MED27: variants seen among roughly 807,000 people sequenced by gnomAD.
MED27 encodes mediator complex subunit 27.
A neutral mutation model predicts 38.2 loss-of-function variants in MED27; 30 were observed. The ratio of observed to expected loss-of-function variants is 0.79; its 90% CI spans 0.59 to 1.07. The LOEUF (loss-of-function observed/expected upper bound fraction) is 1.07. MED27 is among the 50% of genes least tolerant of loss of function. MED27 has a pLI of 0.00. For synonymous variants in MED27, 122 were observed against 153.5 expected (o/e 0.79, Z 1.52); for missense variants, 289 against 397.5 (o/e 0.73, Z 2.32).
In MED27 at chr9:131,889,153, C is replaced by G. The variant is rs2131495579; in HGVS notation, c.681+4732G>C. 6.6e-6 allele frequency among the ~76,000 whole-genome samples: 1 copy of G among 152,294 alleles called. No individual in the cohort carries two copies. Among genetic ancestry groups the G allele is most frequent in the East Asian group, 1.9e-4 (1 of 5,184 alleles). On this transcript the variant is annotated intron_variant, in intron 5 of 7. Transcript: ENST00000292035. This position sits in a 1 kb window ranked among gnomAD's most constrained non-coding sequence, Gnocchi z 4.2. ...GAGAAATCAGATTCAGCTCCCCACC[C>G]CCTCGACCCACATGCACACACACAG...
intron 3 of MED27, among the ~76,000 whole-genome samples, chr9:132,013,011 G>A (rs1329049305): frequency 6.6e-6 from 1 of 152,220 alleles, no homozygotes; most frequent in African/African-American, 2.4e-5. Flanking sequence ...AACTGAGGAT[G>A]TAATCAGAAG....
chr9:131,950,884 C>T (rs1374761125), intron 3 of MED27, among the ~76,000 whole-genome samples: 2 of 152,228 alleles, frequency 1.3e-5, no homozygotes, highest in African/African-American at 4.8e-5. Context: ...AATAAAGATC[C>T]CAGAGTAAAC....
At chr9:131,908,502 A>G (rs1174874559) in intron 4 of MED27, among the ~76,000 whole-genome samples, 1 of 152,178 alleles carries the variant, frequency 6.6e-6, no homozygotes, top group Non-Finnish European at 1.5e-5. Flanking sequence ...AGAAGTAGAC[A>G]TGGGAGACTT....
chr9:131,994,252 T>C (rs913001348), intron 3 of MED27, among the ~76,000 whole-genome samples: 4 of 152,204 alleles, frequency 2.6e-5, no homozygotes, highest in African/African-American at 9.7e-5. Context: ...TGATGCTAAA[T>C]GAGAACTTAT....
chr9:131,868,942 G>A (rs918738257), intron 6 of MED27: 6 of 985,366 alleles, frequency 6.1e-6, no homozygotes, highest in Middle Eastern at 5.2e-4. Context: ...GGAGCCATGC[G>A]CCACAGCCCT....
At chr9:132,045,643 G>T (rs938660710) in intron 2 of MED27, among the ~76,000 whole-genome samples, 8 of 152,118 alleles carry the variant, frequency 5.3e-5, no homozygotes, top group African/African-American at 1.9e-4. Flanking sequence ...TAATTCCAAA[G>T]GAACTAACAC....
chr9:132,000,011 T>C (rs574698405), intron 3 of MED27, among the ~76,000 whole-genome samples: 2 of 151,996 alleles, frequency 1.3e-5, no homozygotes, highest in Non-Finnish European at 2.9e-5. Flanking sequence ...AGACAGGCTC[T>C]ACATTAAGGC....
At chr9:131,899,877 T>C (rs1438535063) in intron 4 of MED27, among the ~76,000 whole-genome samples, 1 of 152,226 alleles carries the variant, frequency 6.6e-6, no homozygotes, top group Non-Finnish European at 1.5e-5. Flanking sequence ...ATGCAGCACA[T>C]AGAGGCCAAT....
chr9:132,025,232 G>A (rs1224859880), intron 2 of MED27, among the ~76,000 whole-genome samples: 1 of 150,896 alleles, frequency 6.6e-6, no homozygotes, highest in Non-Finnish European at 1.5e-5. Context: ...CCAGGCTGGA[G>A]TGCAATGGTG....
In MED27 at chr9:132,012,752, C is replaced by T. The variant is rs549017188; in HGVS notation, c.479+1585G>A. ...CACTAAGCATAACTACAAATTATGG[C>T]GTTAATTTATTAATTTGTTGAGGGG... On this transcript the variant is annotated intron_variant, in intron 3 of 7. Coordinates refer to ENST00000292035, the MANE Select transcript of MED27 (RefSeq NM_004269.4). Among the ~76,000 whole-genome samples the T allele has an allele frequency of 2.2e-4, 33 of 152,208 alleles. No individual in the cohort carries two copies. The South Asian group carries it at 6.7e-3, about 31-fold the overall frequency.
At chr9:132,009,376 G>A (rs1027339129) in intron 3 of MED27, among the ~76,000 whole-genome samples, 5 of 152,144 alleles carry the variant, frequency 3.3e-5, no homozygotes, top group Admixed American at 6.5e-5. Flanking sequence ...GTCAAACTTC[G>A]TGACTCATTG....
intron 3 of MED27, among the ~76,000 whole-genome samples, chr9:131,964,705 T>C (rs1244411819): frequency 1.3e-5 from 2 of 152,236 alleles, no homozygotes; most frequent in African/African-American, 2.4e-5. Context: ...GCAATTCTTA[T>C]AAGACAGCGG....
At chr9:131,869,254 C>T in intron 6 of MED27, 4 of 985,462 alleles carry the variant, frequency 4.1e-6, no homozygotes, top group Non-Finnish European at 4.8e-6. Context: ...GGCTGTGGAG[C>T]ACAGGAGAAC....
At chr9:131,968,455 G>C (rs946750764) in intron 3 of MED27, among the ~76,000 whole-genome samples, 3 of 122,020 alleles carry the variant, frequency 2.5e-5, no homozygotes, top group Non-Finnish European at 4.8e-5. Context: ...GCCTAGGCAA[G>C]AGAGAGACCC....
intron 4 of MED27, among the ~76,000 whole-genome samples, chr9:131,921,034 G>A (rs1164956071): frequency 2.6e-5 from 4 of 152,140 alleles, no homozygotes; most frequent in East Asian, 1.9e-4. Context: ...GCGGCATTGC[G>A]GAGAGTAGAA....
At chr9:131,900,040 G>C (rs944811977) in intron 4 of MED27, among the ~76,000 whole-genome samples, 1 of 152,228 alleles carries the variant, frequency 6.6e-6, no homozygotes, top group Non-Finnish European at 1.5e-5. Context: ...CTGTTGCCAA[G>C]GTAACACTTT....
chr9:131,863,167 A>G (rs770750487), intron 6 of MED27, 27 bp from the exon 7 acceptor site: 4 of 1,602,192 alleles, frequency 2.5e-6, no homozygotes, highest in Non-Finnish European at 3.4e-6. Context: ...AAGACGAGTT[A>G]GCGGCCACTC....
intron 4 of MED27, among the ~76,000 whole-genome samples, chr9:131,938,031 A>C (rs1338454209): frequency 6.6e-6 from 1 of 152,196 alleles, no homozygotes; most frequent in Non-Finnish European, 1.5e-5. Context: ...AACTGAAAGA[A>C]ATTTTTTAAA....
At chr9:132,057,473 G>A (rs1276930910) in intron 2 of MED27, among the ~76,000 whole-genome samples, 1 of 152,228 alleles carries the variant, frequency 6.6e-6, no homozygotes, top group Admixed American at 6.5e-5. Flanking sequence ...CTTCAAGAGG[G>A]AACAGAGCTG....
Sources: allele counts gnomAD v4.1 joint callset (sites outside exome capture counted in the v4.1 genomes callset), GRCh38; gene constraint gnomAD v4.1.1; non-coding constraint Gnocchi (gnomAD v3.1); transcripts MANE v1.5; gene names NCBI Gene and HGNC (gene_info 2026-07-23, HGNC 2026-07-21).